ANO7: variants seen among roughly 807,000 people sequenced by gnomAD.
ANO7 encodes the protein anoctamin 7.
A neutral mutation model predicts 115.8 loss-of-function variants in ANO7; 114 were observed. The ratio of observed to expected loss-of-function variants is 0.98; its 90% CI spans 0.85 to 1.15. The LOEUF (loss-of-function observed/expected upper bound fraction) is 1.15. ANO7 is among the 50% of genes most tolerant of loss of function. The probability of loss-of-function intolerance (pLI) is 0.00; values close to 1 mark genes in which losing one functional copy is unlikely to be tolerated. For missense variants in ANO7, 1,302 were observed against 1,201.2 expected (o/e 1.08, Z -1.24); for synonymous variants, 550 against 498.2 (o/e 1.10, Z -1.38).
the ANO7 span, chr2:241,238,575 A>G: frequency 8.5e-7 from 1 of 1,177,226 alleles, no homozygotes. This position sits in a 1 kb window ranked among gnomAD's most constrained non-coding sequence, Gnocchi z 4.9. Context: ...CCTCACCAGT[A>G]TGTGCGACAG....
At chr2:241,233,334 G>A in the ANO7 span, among the ~76,000 whole-genome samples, 4 of 152,212 alleles carry the variant, frequency 2.6e-5, no homozygotes, top group East Asian at 7.7e-4. The surrounding 1 kb of genome is among the most constrained non-coding windows in gnomAD (Gnocchi z 4.3). Flanking sequence ...ATGAGGGCCA[G>A]TGGCAGGGGG....
downstream of ANO7, chr2:241,227,121 C>G (rs1004259852): frequency 6.6e-6 from 1 of 152,302 alleles, no homozygotes; most frequent in Admixed American, 6.6e-5. Context: ...ATGACCACAC[C>G]TGGGTCTCCC....
At chr2:241,236,982 G>GCA in the ANO7 span, among the ~76,000 whole-genome samples, 1 of 71,974 alleles carries the variant, frequency 1.4e-5, no homozygotes. Flanking sequence ...GACCTTGGGG[G>GCA]GGGGGGGGGG....
rs1279913371 is a variant in ANO7, at chr2:241,225,313, C to T, written c.*1160C>T. The T allele has an allele frequency of 6.6e-6, 1 of 152,260 alleles. No homozygotes were observed. Among genetic ancestry groups the T allele is most frequent in the South Asian group, 2.1e-4 (1 of 4,818 alleles). The allele number at this position is 152,260 out of a possible 1,614,324, so 9.4% of individuals were successfully genotyped here. A position where few individuals can be genotyped will look rare whatever the true frequency, so the allele number is the denominator to read the frequency against. On this transcript the variant is annotated 3_prime_UTR_variant, in exon 25 of 25. Transcript: ENST00000674324. Reference sequence around the variant, plus strand: ...GGCTGAGGCAGGAGGATTACAAGGTCAGGAGTTCGGGACTAGCCTGTCCAA... The same window carrying T: ...GGCTGAGGCAGGAGGATTACAAGGTTAGGAGTTCGGGACTAGCCTGTCCAA...
At position 241,197,651 on chromosome 2, in the gene ANO7, C is replaced by CA. The variant is rs1456375571; in HGVS notation, c.310-1665_310-1664insA. 8.1e-5 allele frequency among the ~76,000 whole-genome samples: 11 copies of CA among 135,058 alleles called. No individual in the cohort carries two copies. The East Asian group carries it at 2.2e-3, about 27-fold the overall frequency. 88.6% of individuals were successfully genotyped at this position (135,058 alleles called of 152,430 possible). ...GCCTTAGCCTCCCAAGTCACCTGCC[C>CA]TTTTTTTTTTTTTTTTTTAGACAGG... On this transcript the variant is annotated intron_variant, in intron 4 of 24. Coordinates refer to ENST00000674324, the MANE Select transcript of ANO7 (RefSeq NM_001370694.2).
chr2:241,216,189 C>G lies in ANO7; in HGVS notation c.1923C>G (p.Asp641Glu), dbSNP rs1438816634. The change falls in exon 19 of 25, where the codon GAC becomes GAG. Residue 641 changes from aspartate (D) to glutamate (E), a missense_variant. Coordinates refer to ENST00000674324, the MANE Select transcript of ANO7 (RefSeq NM_001370694.2). The stretch of plus-strand genomic sequence containing the variant: ...CTAGCCAGGGGCCCTGGGAGGACGA[C>G]TATGAGCTTGTGCCCTGTGAGGGTC... Reference protein sequence around the residue: ...AGASQGPWEDDYELVPCEGLF... With the variant: ...AGASQGPWEDEYELVPCEGLF... 7 of 1,612,866 alleles carry G rather than the reference C, an allele frequency of 4.3e-6. No individual in the cohort carries two copies. Among genetic ancestry groups the G allele is most frequent in the Non-Finnish European group, 5.9e-6 (7 of 1,179,752 alleles).
At chr2:241,236,942 T>A in the ANO7 span, among the ~76,000 whole-genome samples, 1 of 127,044 alleles carries the variant, frequency 7.9e-6, no homozygotes, top group Non-Finnish European at 1.6e-5. Context: ...AGATAGGACG[T>A]CCCCACAGCA....
intron 21 of ANO7, among the ~76,000 whole-genome samples, chr2:241,221,670 A>G (rs528136372): frequency 1.1e-4 from 17 of 151,726 alleles, no homozygotes; most frequent in African/African-American, 3.9e-4. Flanking sequence ...GGCCTAGGGA[A>G]GGGATTATTT....
In ANO7 at chr2:241,203,419, C is replaced by G. The variant is rs972868184; in HGVS notation, c.810C>G (p.Gly270=). Reference sequence around the variant, plus strand: ...TTTTCCAGCACTGGGCGCGCTGGGGCAAGTGGAACAAGTACCAGCCCCTGG... The same window carrying G: ...TTTTCCAGCACTGGGCGCGCTGGGGGAAGTGGAACAAGTACCAGCCCCTGG... ...QVLFQHWARW[G]KWNKYQPLDH... Residue 270 remains glycine (G), a synonymous_variant, in exon 9 of 25, where the codon GGC becomes GGG. Coordinates refer to ENST00000674324, the MANE Select transcript of ANO7 (RefSeq NM_001370694.2). This position sits in a 1 kb window ranked among gnomAD's most constrained non-coding sequence, Gnocchi z 4.8. 6.3e-7 allele frequency: 1 copy of G among 1,595,376 alleles called. No homozygotes were observed. Among genetic ancestry groups the G allele is most frequent in the African/African-American group, 1.4e-5 (1 of 73,888 alleles).
the ANO7 span, among the ~76,000 whole-genome samples, chr2:241,231,961 G>T: frequency 0.018 from 2,797 of 152,072 alleles, 52 homozygotes; most frequent in African/African-American, 0.051. Flanking sequence ...CCATCATCAC[G>T]CAACAGGACT....
chr2:241,218,894 G>A (rs1386930442), intron 21 of ANO7, among the ~76,000 whole-genome samples: 1 of 152,174 alleles, frequency 6.6e-6, no homozygotes, highest in African/African-American at 2.4e-5. Context: ...TTCTCATACA[G>A]CGTCTGGAAT....
downstream of ANO7, chr2:241,230,219 A>C: frequency 6.2e-7 from 1 of 1,613,082 alleles, no homozygotes; most frequent in Non-Finnish European, 8.5e-7. The surrounding 1 kb of genome is among the most constrained non-coding windows in gnomAD (Gnocchi z 5.0). Context: ...GCCCCGTCAC[A>C]GTGACGCAGT....
downstream of ANO7, chr2:241,230,768 G>A (rs141875754): frequency 5.5e-5 from 88 of 1,614,008 alleles, 1 homozygote; most frequent in Middle Eastern, 4.9e-4. This position sits in a 1 kb window ranked among gnomAD's most constrained non-coding sequence, Gnocchi z 5.0. Context: ...CCTTGAATTC[G>A]TCCATGATTT....
chr2:241,212,034 G>A (rs2068729521), intron 15 of ANO7, 60 bp from the exon 16 acceptor site: 1 of 1,381,242 alleles, frequency 7.2e-7, no homozygotes, highest in Non-Finnish European at 1.0e-6. Flanking sequence ...AGGAGAGGGG[G>A]CCCCTAGTTG....
Position 241,209,253 on chromosome 2 carries a change from G to A in ANO7, c.1078-32G>A, listed in dbSNP as rs2068662355. ...AGGAACAAGGGGCCTCCAGTCCCAA[G>A]CAAGTCTGGACGCCCCCGCTCCCTG... On this transcript the variant is annotated intron_variant, in intron 11 of 24. Coordinates refer to ENST00000674324, the MANE Select transcript of ANO7 (RefSeq NM_001370694.2). 5 of 1,536,336 alleles carry A rather than the reference G, an allele frequency of 3.3e-6. No homozygotes were observed. The East Asian group carries it at 9.8e-5, about 30-fold the overall frequency.
downstream of ANO7, chr2:241,230,798 G>A (rs376215704): frequency 8.1e-6 from 13 of 1,614,098 alleles, no homozygotes; most frequent in Non-Finnish European, 1.1e-5. The surrounding 1 kb of genome is among the most constrained non-coding windows in gnomAD (Gnocchi z 5.0). Context: ...CTTTGCCGCG[G>A]GCACCAATGA....
downstream of ANO7, among the ~76,000 whole-genome samples, chr2:241,226,019 C>G (rs1469890355): frequency 6.6e-6 from 1 of 152,046 alleles, no homozygotes; most frequent in African/African-American, 2.4e-5. Flanking sequence ...ATGCTCAGTT[C>G]ATACAGGCTT....
At chr2:241,229,784 G>GCCCCCCC, downstream of ANO7, 1 of 1,502,548 alleles carries the variant, frequency 6.7e-7, no homozygotes, top group South Asian at 1.2e-5. Context: ...AAGCCCGCCT[G>GCCCCCCC]CCCGCCCACC....
At chr2:241,223,979 C>A (rs775437848) in intron 24 of ANO7, 24 bp downstream of exon 24, 10 of 1,613,956 alleles carry the variant, frequency 6.2e-6, no homozygotes, top group Non-Finnish European at 8.5e-6. Flanking sequence ...CAGCCAGGCC[C>A]CTGCCCCGTG....
Sources: allele counts gnomAD v4.1 joint callset (sites outside exome capture counted in the v4.1 genomes callset), GRCh38; gene constraint gnomAD v4.1.1; non-coding constraint Gnocchi (gnomAD v3.1); transcripts MANE v1.5; gene names NCBI Gene and HGNC (gene_info 2026-07-23, HGNC 2026-07-21).